MAGI1: variants seen among roughly 807,000 people sequenced by gnomAD.
MAGI1 encodes the protein membrane-associated guanylate kinase, WW and PDZ domain-containing protein 1.
MAGI1 carries 58 observed loss-of-function variants against 139.9 expected under a neutral mutation model. That is an observed-to-expected ratio of 0.41 (90% CI 0.34 to 0.52). The LOEUF is 0.52. Ranked by LOEUF, MAGI1 falls within the 20% of genes least tolerant of loss-of-function variation. The pLI, the probability that MAGI1 is intolerant of heterozygous loss-of-function variation, is 0.12. For synonymous variants in MAGI1, 812 were observed against 737.9 expected, an observed-to-expected ratio of 1.10 and a Z score of -1.63; for missense variants, 1,874 against 1,901.6, an observed-to-expected ratio of 0.99 and a Z score of 0.27.
chr3:65,563,921 CCTT>C (rs2080485364), intron 2 of MAGI1, among the ~76,000 whole-genome samples: 1 of 152,150 alleles, frequency 6.6e-6, no homozygotes, highest in Admixed American at 6.6e-5. Flanking sequence ...CCTTCACAGT[CCTT>C]CTCATTTACT....
intron 1 of MAGI1, among the ~76,000 whole-genome samples, chr3:65,708,127 T>G (rs1411507694): frequency 6.6e-6 from 1 of 152,174 alleles, no homozygotes; most frequent in Non-Finnish European, 1.5e-5. Flanking sequence ...ATCTTTAGAA[T>G]CAACCTGACA....
At chr3:65,617,668 G>A (rs950103433) in intron 2 of MAGI1, among the ~76,000 whole-genome samples, 1 of 152,092 alleles carries the variant, frequency 6.6e-6, no homozygotes, top group Non-Finnish European at 1.5e-5. Context: ...AGTCATCTAT[G>A]ACCCTTTTTG....
At chr3:65,496,905 T>A (rs942361709) in intron 2 of MAGI1, among the ~76,000 whole-genome samples, 2 of 152,156 alleles carry the variant, frequency 1.3e-5, no homozygotes, top group African/African-American at 4.8e-5. Flanking sequence ...GCTGATGGAT[T>A]GGATGTTGTA....
At chr3:66,004,494 G>A (rs145515216) in intron 1 of MAGI1, among the ~76,000 whole-genome samples, 1 of 152,266 alleles carries the variant, frequency 6.6e-6, no homozygotes, top group East Asian at 1.9e-4. Context: ...CAAGGCAGAA[G>A]CACATGGCAT....
Position 65,858,656 on chromosome 3 carries a change from G to A in MAGI1, c.313+179340C>T, listed in dbSNP as rs75361903. Among the ~76,000 whole-genome samples, 542 of 152,250 alleles carry A rather than the reference G, an allele frequency of 3.6e-3. 4 individuals are homozygous for A. Among genetic ancestry groups the A allele is most frequent in the African/African-American group, 0.012 (515 of 41,552 alleles). On this transcript the variant is annotated intron_variant, in intron 1 of 22. Coordinates refer to ENST00000402939, the MANE Select transcript of MAGI1 (RefSeq NM_001033057.2). ...TCTTTGGAGAAGAGGAAAGGAGGAG[G>A]AAGATAGCCTTGTGACCAGAAATCT...
intron 12 of MAGI1, among the ~76,000 whole-genome samples, chr3:65,404,773 C>G (rs1385446710): frequency 1.3e-5 from 2 of 152,180 alleles, no homozygotes; most frequent in African/African-American, 2.4e-5. Context: ...CAAGACCTAT[C>G]AAAGGAGATA....
chr3:65,467,989 T>C (rs1950276585), intron 5 of MAGI1, among the ~76,000 whole-genome samples: 1 of 152,218 alleles, frequency 6.6e-6, no homozygotes, highest in Non-Finnish European at 1.5e-5. Context: ...TAATTACTAC[T>C]AGCCCAAGAA....
At chr3:65,854,882 G>T (rs962456152) in intron 1 of MAGI1, among the ~76,000 whole-genome samples, 1 of 152,230 alleles carries the variant, frequency 6.6e-6, no homozygotes, top group African/African-American at 2.4e-5. Flanking sequence ...CAACCAAAGG[G>T]AGAAGTATGA....
chr3:65,615,712 C>G (rs2083332867), intron 2 of MAGI1, among the ~76,000 whole-genome samples: 1 of 152,208 alleles, frequency 6.6e-6, no homozygotes, highest in Non-Finnish European at 1.5e-5. Flanking sequence ...TTACACTTAT[C>G]TGAGCCCATA....
chr3:65,364,864 G>A lies in MAGI1; in HGVS notation c.3279C>T (p.Thr1093=). Residue 1093 remains threonine (T), a synonymous_variant, in exon 19 of 23, where the codon ACC becomes ACT. Transcript: ENST00000402939. ...CAGTCATGTCTGACCTTGTCTCCTGGGTCCCTTGCTGAGAAGGGGTGTGTG... is the reference window on the plus strand; with the variant it reads ...CAGTCATGTCTGACCTTGTCTCCTGAGTCCCTTGCTGAGAAGGGGTGTGTG... ...TTTHTPSQQG[T]QETRNTTKPK... is the part of the protein sequence containing the mutation. 1.9e-6 allele frequency: 3 copies of A among 1,613,982 alleles called. No individual in the cohort carries two copies. Among genetic ancestry groups the A allele is most frequent in the Non-Finnish European group, 2.5e-6 (3 of 1,179,904 alleles).
At chr3:65,431,226 G>T (rs1467715752) in intron 10 of MAGI1, among the ~76,000 whole-genome samples, 1 of 152,102 alleles carries the variant, frequency 6.6e-6, no homozygotes, top group African/African-American at 2.4e-5. Context: ...AAATGGAACT[G>T]GTCTGTTTTA....
At chr3:65,610,682 T>C (rs561464623) in intron 2 of MAGI1, among the ~76,000 whole-genome samples, 2 of 144,036 alleles carry the variant, frequency 1.4e-5, no homozygotes, top group African/African-American at 2.6e-5. Context: ...TGTAATCTTA[T>C]CCTATGAGAC....
At chr3:65,657,653 T>C (rs1157150616) in intron 1 of MAGI1, among the ~76,000 whole-genome samples, 2 of 152,132 alleles carry the variant, frequency 1.3e-5, no homozygotes, top group African/African-American at 4.8e-5. Flanking sequence ...TCACGAAAGT[T>C]TAAAAGAAAT....
chr3:65,850,715 A>T (rs1371856420), intron 1 of MAGI1, among the ~76,000 whole-genome samples: 4 of 152,172 alleles, frequency 2.6e-5, no homozygotes, highest in African/African-American at 9.6e-5. Context: ...ACACAGAAAC[A>T]ACCAGGATGC....
chr3:65,405,277 T>C (rs1027293960), intron 12 of MAGI1, among the ~76,000 whole-genome samples: 3 of 152,136 alleles, frequency 2.0e-5, no homozygotes, highest in Non-Finnish European at 4.4e-5. Flanking sequence ...GACCAACTAA[T>C]GTAAGGAGGA....
At chr3:65,740,379 A>T (rs555657012) in intron 1 of MAGI1, among the ~76,000 whole-genome samples, 1 of 152,254 alleles carries the variant, frequency 6.6e-6, no homozygotes, top group Non-Finnish European at 1.5e-5. Context: ...CACTGCAAAA[A>T]CCAGTGCTTG....
chr3:65,988,661 G>C (rs987069915), intron 1 of MAGI1, among the ~76,000 whole-genome samples: 9 of 152,160 alleles, frequency 5.9e-5, no homozygotes, highest in African/African-American at 1.7e-4. Context: ...CTGTTGTTCA[G>C]TTCAAGCACT....
At chr3:65,781,907 TATAAACCTAAGATTGTTCTGTA>T (rs1286067603) in intron 1 of MAGI1, among the ~76,000 whole-genome samples, 1 of 152,116 alleles carries the variant, frequency 6.6e-6, no homozygotes. Context: ...CCCCCCTCAC[TATAAACCTAAGATTGTTCTGTA>T]AAAACAGACT....
At chr3:65,387,964 A>T (rs1943586349) in intron 14 of MAGI1, among the ~76,000 whole-genome samples, 1 of 152,182 alleles carries the variant, frequency 6.6e-6, no homozygotes, top group African/African-American at 2.4e-5. Flanking sequence ...AAGCCTTATA[A>T]TTTCTTTTGT....
Sources: allele counts gnomAD v4.1 joint callset (sites outside exome capture counted in the v4.1 genomes callset), GRCh38; gene constraint gnomAD v4.1.1; transcripts MANE v1.5; gene names NCBI Gene and HGNC (gene_info 2026-07-23, HGNC 2026-07-21).